ONECUT2: variants seen among roughly 807,000 people sequenced by gnomAD.
ONECUT2 encodes one cut homeobox 2.
Under a neutral mutation model 27.9 loss-of-function variants are expected in ONECUT2, and 10 were observed. The observed-to-expected ratio is 0.36, with a 90% CI of 0.22 to 0.61. ONECUT2 has a LOEUF of 0.61. Ranked by LOEUF, ONECUT2 falls within the 20% of genes least tolerant of loss-of-function variation. ONECUT2 has a pLI of 0.73. For synonymous variants in ONECUT2, 334 were observed against 315.1 expected, an observed-to-expected ratio of 1.06 and a Z score of -0.64; for missense variants, 686 against 721.0, an observed-to-expected ratio of 0.95 and a Z score of 0.56.
rs978149709 is a variant in ONECUT2 at position 57,480,704 on chromosome 18, G to A, written c.*3981G>A. 1.4e-4 allele frequency: 21 copies of A among 152,102 alleles called. No individual in the cohort carries two copies. Among genetic ancestry groups the A allele is most frequent in the Admixed American group, 2.6e-4 (4 of 15,288 alleles). The allele number at this position is 152,102 out of a possible 1,614,324, so 9.4% of individuals were successfully genotyped here. A position where few individuals can be genotyped will look rare whatever the true frequency, so the allele number is the denominator to read the frequency against. Reference sequence around the variant, plus strand: ...TTTACATACATATATAAATATATATGTGTATCTATACAGTTATGTATCAAA... The same window carrying A: ...TTTACATACATATATAAATATATATATGTATCTATACAGTTATGTATCAAA... On this transcript the variant is annotated 3_prime_UTR_variant, in exon 2 of 2. Coordinates refer to ENST00000491143, the MANE Select transcript of ONECUT2 (RefSeq NM_004852.3).
chr18:57,465,629 CT>C (rs1336815090), intron 1 of ONECUT2, among the ~76,000 whole-genome samples: 1 of 152,176 alleles, frequency 6.6e-6, no homozygotes, highest in Admixed American at 6.5e-5. Context: ...AAGATATTAT[CT>C]GGTAAATTTT....
At position 57,453,947 on chromosome 18, in the gene ONECUT2, T is replaced by A. The variant is rs948314243; in HGVS notation, c.1228+17003T>A. Among the ~76,000 whole-genome samples the A allele has an allele frequency of 4.6e-5, 7 of 152,264 alleles. No homozygotes were observed. In the South Asian group the frequency reaches 1.0e-3, roughly 23 times the overall value. ...TCCTCATCTTTTATCCTGCCTCTCC[T>A]TGAGACAGCCATTCCATTAAATTCT... On this transcript the variant is annotated intron_variant, in intron 1 of 1. Transcript: ENST00000491143.
chr18:57,445,362 T>C (rs932474681), intron 1 of ONECUT2, among the ~76,000 whole-genome samples: 1 of 152,224 alleles, frequency 6.6e-6, no homozygotes, highest in Non-Finnish European at 1.5e-5. Flanking sequence ...GCAATAGGAA[T>C]TGCCAGATAT....
rs1249938855 is a variant in ONECUT2, at chr18:57,482,682, A to G, written c.*5959A>G. The G allele has an allele frequency of 2.0e-5, 3 of 152,172 alleles. No individual in the cohort carries two copies. The highest frequency in any genetic ancestry group is 7.2e-5 in the African/African-American group (3 of 41,436). 9.4% of individuals were successfully genotyped at this position (152,172 alleles called of 1,614,324 possible). The stretch of plus-strand genomic sequence containing the variant: ...TCCGCTTGGATGTATACAAATTTAG[A>G]TACATATTTTAACATGTGTTCTCAT... On this transcript the variant is annotated 3_prime_UTR_variant, in exon 2 of 2. Coordinates refer to ENST00000491143, the MANE Select transcript of ONECUT2 (RefSeq NM_004852.3).
In ONECUT2 at chr18:57,477,451, C is replaced by T. The variant is rs1292493171; in HGVS notation, c.*728C>T. On this transcript the variant is annotated 3_prime_UTR_variant, in exon 2 of 2. Coordinates refer to ENST00000491143, the MANE Select transcript of ONECUT2 (RefSeq NM_004852.3). ...TGGAAATCTCATATGGTCTTGGATC[C>T]GTCAAAAAAACCAGTCAGTTCACTT... 3.3e-5 allele frequency: 5 copies of T among 152,458 alleles called. No homozygotes were observed. The East Asian group carries it at 7.7e-4, about 24-fold the overall frequency. The allele number at this position is 152,458 out of a possible 1,614,324, so 9.4% of individuals were successfully genotyped here. A position where few individuals can be genotyped will look rare whatever the true frequency, so the allele number is the denominator to read the frequency against.
chr18:57,466,715 TCA>T (rs1213233741), intron 1 of ONECUT2, among the ~76,000 whole-genome samples: 13 of 152,262 alleles, frequency 8.5e-5, no homozygotes, highest in African/African-American at 9.6e-5. Flanking sequence ...CAGGGCTGTG[TCA>T]CTGCATAGGT....
chr18:57,479,407 CA>C lies in ONECUT2; in HGVS notation c.*2687del, dbSNP rs1170027896. ...GGTGATAACCAAAATTATTGCTGTC[CA>C]AATTCATGTCTTGTTTTGGTCCAGT... On this transcript the variant is annotated 3_prime_UTR_variant, in exon 2 of 2. Transcript: ENST00000491143. 1.3e-5 allele frequency: 2 copies of C among 152,494 alleles called. No homozygotes were observed. The highest frequency in any genetic ancestry group is 4.8e-5 in the African/African-American group (2 of 41,400). 9.4% of individuals were successfully genotyped at this position (152,494 alleles called of 1,614,324 possible). A position where few individuals can be genotyped will look rare whatever the true frequency, so the allele number is the denominator to read the frequency against.
chr18:57,464,489 G>A (rs558340594), intron 1 of ONECUT2, among the ~76,000 whole-genome samples: 2 of 150,744 alleles, frequency 1.3e-5, no homozygotes, highest in Non-Finnish European at 3.0e-5. Flanking sequence ...TTTTTATATA[G>A]GCATGTTGTT....
intron 1 of ONECUT2, among the ~76,000 whole-genome samples, chr18:57,438,138 G>A (rs2050153699): frequency 6.6e-6 from 1 of 152,246 alleles, no homozygotes; most frequent in South Asian, 2.1e-4. Context: ...ACTGCGACTG[G>A]CACGCAGTTG....
intron 1 of ONECUT2, among the ~76,000 whole-genome samples, chr18:57,450,922 A>C (rs569477304): frequency 6.6e-6 from 1 of 152,244 alleles, no homozygotes; most frequent in Admixed American, 6.5e-5. Flanking sequence ...CACTGTACTG[A>C]ACTAAGTAGT....
intron 1 of ONECUT2, among the ~76,000 whole-genome samples, chr18:57,451,674 T>C (rs1408581643): frequency 6.6e-6 from 1 of 152,104 alleles, no homozygotes; most frequent in Non-Finnish European, 1.5e-5. Context: ...GAAAGTCCAT[T>C]AAAAGGGCAG....
intron 1 of ONECUT2, among the ~76,000 whole-genome samples, chr18:57,448,246 TG>T (rs146251370): frequency 0.012 from 1,787 of 152,320 alleles, 36 homozygotes; most frequent in African/African-American, 0.04. Flanking sequence ...ATTGCTAAGG[TG>T]GTTCTCAGGG....
At chr18:57,445,124 T>C (rs2050194629) in intron 1 of ONECUT2, among the ~76,000 whole-genome samples, 1 of 152,204 alleles carries the variant, frequency 6.6e-6, no homozygotes, top group Non-Finnish European at 1.5e-5. Flanking sequence ...AAGCCACCAG[T>C]TTGCTTCATT....
rs1339391720 is a variant in ONECUT2, at chr18:57,488,359, C to G, written c.*11636C>G. ...CAAAGTTTTCCTGACACTCACAAACCCACAAACTGTTCCTCTTAATGCAGA... is the reference window on the plus strand; with the variant it reads ...CAAAGTTTTCCTGACACTCACAAACGCACAAACTGTTCCTCTTAATGCAGA... On this transcript the variant is annotated 3_prime_UTR_variant, in exon 2 of 2. Coordinates refer to ENST00000491143, the MANE Select transcript of ONECUT2 (RefSeq NM_004852.3). 1 of 152,520 alleles carries G rather than the reference C, an allele frequency of 6.6e-6. No individual in the cohort carries two copies. The highest frequency in any genetic ancestry group is 1.5e-5 in the Non-Finnish European group (1 of 68,024). The allele number at this position is 152,520 out of a possible 1,614,324, so 9.4% of individuals were successfully genotyped here. A position where few individuals can be genotyped will look rare whatever the true frequency, so the allele number is the denominator to read the frequency against.
At chr18:57,464,395 A>G (rs191927910) in intron 1 of ONECUT2, among the ~76,000 whole-genome samples, 408 of 152,036 alleles carry the variant, frequency 2.7e-3, no homozygotes, top group Non-Finnish European at 4.5e-3. Flanking sequence ...TGGTGCTTAC[A>G]CCCCTCATCT....
chr18:57,435,941 T>C lies in ONECUT2; in HGVS notation c.225T>C (p.Ala75=). ...PSPHHAGRGA[A]GSLRGPPPPP... ...CCCACCACGCGGGCCGCGGCGCCGC[T>C]GGCTCGCTGCGGGGCCCTCCGCCGC... Residue 75 remains alanine (A), a synonymous_variant, in exon 1 of 2, where the codon GCT becomes GCC. Transcript: ENST00000491143. 8.2e-7 allele frequency: 1 copy of C among 1,218,264 alleles called. No homozygotes were observed. The highest frequency in any genetic ancestry group is 1.0e-6 in the Non-Finnish European group (1 of 982,080). The allele number at this position is 1,218,264 out of a possible 1,614,324, so 75.5% of individuals were successfully genotyped here. A position where few individuals can be genotyped will look rare whatever the true frequency, so the allele number is the denominator to read the frequency against.
intron 1 of ONECUT2, among the ~76,000 whole-genome samples, chr18:57,459,777 T>A (rs1297155552): frequency 1.3e-5 from 2 of 152,172 alleles, no homozygotes; most frequent in African/African-American, 4.8e-5. Flanking sequence ...CAGGCTGGTC[T>A]CGAACTTCTG....
At chr18:57,440,636 C>A (rs939601041) in intron 1 of ONECUT2, among the ~76,000 whole-genome samples, 13 of 152,244 alleles carry the variant, frequency 8.5e-5, no homozygotes, top group Non-Finnish European at 1.5e-4. Flanking sequence ...CTGATGCCCG[C>A]AGCGGCGGGA....
At chr18:57,443,639 A>G (rs2050187119) in intron 1 of ONECUT2, among the ~76,000 whole-genome samples, 1 of 152,144 alleles carries the variant, frequency 6.6e-6, no homozygotes, top group Admixed American at 6.5e-5. Context: ...AGGTTTTTCT[A>G]GGGGCAGGTG....
Sources: gnomAD v4.1 joint callset for allele counts (sites outside exome capture counted in the v4.1 genomes callset) on GRCh38, gnomAD v4.1.1 for gene constraint, MANE v1.5 for transcripts, NCBI Gene and HGNC (gene_info 2026-07-23, HGNC 2026-07-21) for gene names.